Variants in FGFR1 observed in about 807,000 individuals in gnomAD.
The protein encoded by FGFR1 is FGFR1/PLAG1 fusion.
A neutral mutation model predicts 93.7 loss-of-function variants in FGFR1; 18 were observed. The ratio of observed to expected loss-of-function variants is 0.19; its 90% confidence interval spans 0.13 to 0.28. FGFR1 has a LOEUF of 0.28. Among genes scored for constraint, FGFR1 ranks in the 10% least tolerant of loss-of-function variants. The pLI is 1.00. For missense variants in FGFR1, 731 were observed against 1,080.4 expected (o/e 0.68, Z 4.53); for synonymous variants, 448 against 429.3 (o/e 1.04, Z -0.54).
Position 38,432,916 on chromosome 8 carries a change from C to T in FGFR1, c.92-2968G>A, listed in dbSNP as rs930604247. Among the ~76,000 whole-genome samples, 56 of 141,484 alleles carry T rather than the reference C, an allele frequency of 4.0e-4. 2 individuals are homozygous for T. Among genetic ancestry groups the T allele is most frequent in the African/African-American group, 1.4e-3 (53 of 38,658 alleles). The allele number at this position is 141,484 out of a possible 152,430, so 92.8% of individuals were successfully genotyped here. A position where few individuals can be genotyped will look rare whatever the true frequency, so the allele number is the denominator to read the frequency against. ...CTGTCCCTCCCCACCGCGCCCCCCC[C>T]CCTCCCCAGTTGGGATGCTTTCAGC... On this transcript the variant is annotated intron_variant, in intron 2 of 17. Transcript: ENST00000447712.
chr8:38,419,438 C>G, intron 9 of FGFR1, 95 bp downstream of exon 9: 1 of 1,191,720 alleles, frequency 8.4e-7, no homozygotes, highest in Non-Finnish European at 1.2e-6. Context: ...GAAAATAAGG[C>G]CCAAAGCTAT....
intron 1 of FGFR1, chr8:38,466,832 G>A (rs532749639): frequency 3.8e-5 from 8 of 209,856 alleles, no homozygotes; most frequent in East Asian, 7.1e-5. Flanking sequence ...AGGCACCGTG[G>A]TAATGTTTTT....
intron 1 of FGFR1, among the ~76,000 whole-genome samples, chr8:38,460,207 C>A (rs1022476250): frequency 1.3e-5 from 2 of 152,068 alleles, no homozygotes; most frequent in African/African-American, 4.8e-5. Context: ...AAAAGAAAGA[C>A]CCTTGGAAGC....
intron 12 of FGFR1, 81 bp from the exon 13 acceptor site, chr8:38,416,141 G>T: frequency 2.3e-6 from 3 of 1,283,036 alleles, no homozygotes; most frequent in Non-Finnish European, 3.3e-6. Flanking sequence ...CCCACCCCCA[G>T]CAGCACACCC....
chr8:38,441,011 C>T (rs866006475), intron 2 of FGFR1, among the ~76,000 whole-genome samples: 31 of 152,100 alleles, frequency 2.0e-4, no homozygotes, highest in African/African-American at 7.0e-4. Flanking sequence ...TAATTTAGTG[C>T]CGAGCCGCCT....
chr8:38,467,624 C>T (rs1835835056), intron 1 of FGFR1: 1 of 234,952 alleles, frequency 4.3e-6, no homozygotes, highest in Non-Finnish European at 8.4e-6. Context: ...TCCAGGAAAC[C>T]GCGGGCCTCG....
intron 2 of FGFR1, among the ~76,000 whole-genome samples, chr8:38,431,289 C>T (rs1269326027): frequency 2.0e-5 from 3 of 152,192 alleles, no homozygotes; most frequent in African/African-American, 7.2e-5. Context: ...CAGGGCGGTG[C>T]TGACTCCCAG....
At chr8:38,466,847 A>C (rs1209365757) in intron 1 of FGFR1, among the ~76,000 whole-genome samples, 1 of 151,222 alleles carries the variant, frequency 6.6e-6, no homozygotes, top group Non-Finnish European at 1.5e-5. Flanking sequence ...GTTTTTCAAA[A>C]GGGTTGATAG....
intron 7 of FGFR1, chr8:38,422,366 A>G (rs541164153): frequency 5.1e-6 from 2 of 395,004 alleles, no homozygotes; most frequent in South Asian, 5.7e-5. Context: ...ATGTGCATAC[A>G]CAGCCAGCAG....
chr8:38,411,862 A>G lies in FGFR1; in HGVS notation c.*1766T>C. On this transcript the variant is annotated 3_prime_UTR_variant, in exon 18 of 18. Transcript: ENST00000447712. Reference sequence around the variant, plus strand: ...ACTGTAAGAAGCCAAGATCTGCGACAGTCCCAACAAATACAGTCTGGTCAC... The same window carrying G: ...ACTGTAAGAAGCCAAGATCTGCGACGGTCCCAACAAATACAGTCTGGTCAC... 4.4e-6 allele frequency: 1 copy of G among 228,794 alleles called. No homozygotes were observed. 14.2% of individuals were successfully genotyped at this position (228,794 alleles called of 1,614,324 possible).
At chr8:38,425,177 G>A (rs1217424973) in intron 6 of FGFR1, among the ~76,000 whole-genome samples, 1 of 150,858 alleles carries the variant, frequency 6.6e-6, no homozygotes. Context: ...GTCTCACTCT[G>A]TCACCCATGC....
chr8:38,428,807 C>T, intron 3 of FGFR1: 2 of 358,104 alleles, frequency 5.6e-6, no homozygotes, highest in Non-Finnish European at 1.1e-5. Context: ...ATAGGGAAAC[C>T]CAGGCAGGTC....
chr8:38,453,270 A>G (rs1265999378), intron 2 of FGFR1, among the ~76,000 whole-genome samples: 1 of 152,200 alleles, frequency 6.6e-6, no homozygotes, highest in Admixed American at 6.5e-5. Context: ...GTGTCCCATG[A>G]AACAACATGC....
In FGFR1 at chr8:38,468,200, G is replaced by A. The variant is rs909942816; in HGVS notation, c.-308C>T. ...ATGGAGCCGGAGCTGGTGCCCCGGA[G>A]GCGGGGCGGGGGGAGGGCTCCCGTC... On this transcript the variant is annotated 5_prime_UTR_variant, in exon 1 of 18. Coordinates refer to ENST00000447712, the MANE Select transcript of FGFR1 (RefSeq NM_023110.3). 4.8e-5 allele frequency: 11 copies of A among 228,618 alleles called. No individual in the cohort carries two copies. The highest frequency in any genetic ancestry group is 9.6e-5 in the Non-Finnish European group (11 of 114,978). 14.2% of individuals were successfully genotyped at this position (228,618 alleles called of 1,614,324 possible). A position where few individuals can be genotyped will look rare whatever the true frequency, so the allele number is the denominator to read the frequency against.
At chr8:38,450,891 G>T (rs1226097239) in intron 2 of FGFR1, among the ~76,000 whole-genome samples, 1 of 152,150 alleles carries the variant, frequency 6.6e-6, no homozygotes, top group Non-Finnish European at 1.5e-5. Context: ...GCTTGCCCCA[G>T]CTTGGTCAAG....
At chr8:38,414,485 G>C (rs2150545212) in intron 15 of FGFR1, 74 bp downstream of exon 15, 1 of 1,567,854 alleles carries the variant, frequency 6.4e-7, no homozygotes, top group South Asian at 1.1e-5. Context: ...CTCAGTCCAG[G>C]GAGAAAGCAG....
chr8:38,417,143 A>C (rs1477893823), intron 12 of FGFR1, among the ~76,000 whole-genome samples, 163 bp downstream of exon 12: 1 of 152,198 alleles, frequency 6.6e-6, no homozygotes, highest in Non-Finnish European at 1.5e-5. Context: ...ATGAACACCA[A>C]TGAGCGGAGC....
intron 2 of FGFR1, among the ~76,000 whole-genome samples, chr8:38,431,857 T>C (rs778604091): frequency 1.1e-4 from 16 of 152,216 alleles, no homozygotes; most frequent in Non-Finnish European, 1.5e-4. Flanking sequence ...TTGTGGGCCT[T>C]AGAAAAAGTT....
At position 38,461,456 on chromosome 8, in the gene FGFR1, T is replaced by G. The variant is rs181311568; in HGVS notation, c.-88-3922A>C. Among the ~76,000 whole-genome samples, 485 of 152,212 alleles carry G rather than the reference T, an allele frequency of 3.2e-3. 1 individual carries two copies. Among genetic ancestry groups the G allele is most frequent in the Admixed American group, 6.6e-3 (101 of 15,278 alleles). ...CTCAAGTGATCCTCCCACCTCAGCC[T>G]CCCGAGAAGCTGGGCTAATTTTCTG... On this transcript the variant is annotated intron_variant, in intron 1 of 17. Coordinates refer to ENST00000447712, the MANE Select transcript of FGFR1 (RefSeq NM_023110.3).
Sources: gnomAD v4.1 joint callset for allele counts (sites outside exome capture counted in the v4.1 genomes callset) on GRCh38, gnomAD v4.1.1 for gene constraint, MANE v1.5 for transcripts, NCBI Gene and HGNC (gene_info 2026-07-23, HGNC 2026-07-21) for gene names.